ZNF644: variants seen among roughly 807,000 people sequenced by gnomAD.
ZNF644 encodes the protein zinc finger protein 644, also known as zinc finger motif enhancer binding protein 2.
ZNF644 carries 20 observed loss-of-function variants against 108.0 expected under a neutral mutation model. The observed-to-expected ratio is 0.19, with a 90% CI of 0.13 to 0.27. The LOEUF is 0.27. Ranked by LOEUF, ZNF644 falls within the 10% of genes least tolerant of loss-of-function variation. The pLI is 1.00. For missense variants in ZNF644, 1,338 were observed against 1,548.9 expected, an observed-to-expected ratio of 0.86 and a Z score of 2.29; for synonymous variants, 542 against 539.1, an observed-to-expected ratio of 1.01 and a Z score of -0.08.
intron 1 of ZNF644, among the ~76,000 whole-genome samples, chr1:90,992,708 TC>T (rs1357823667): frequency 6.6e-6 from 1 of 152,188 alleles, no homozygotes; most frequent in African/African-American, 2.4e-5. Context: ...CTGTTTCACC[TC>T]GTTATCCATG....
chr1:91,000,346 C>G (rs1658636415), intron 1 of ZNF644, among the ~76,000 whole-genome samples: 1 of 152,176 alleles, frequency 6.6e-6, no homozygotes, highest in African/African-American at 2.4e-5. Context: ...GTCTCTCAGA[C>G]CACAGTGTAA....
chr1:90,918,572 T>G (rs1315480438), intron 4 of ZNF644, among the ~76,000 whole-genome samples: 1 of 152,182 alleles, frequency 6.6e-6, no homozygotes, highest in Non-Finnish European at 1.5e-5. Flanking sequence ...TTATTTGAGA[T>G]CATTAAATTA....
At chr1:90,978,973 C>T (rs1656273928) in intron 2 of ZNF644, among the ~76,000 whole-genome samples, 1 of 152,104 alleles carries the variant, frequency 6.6e-6, no homozygotes, top group African/African-American at 2.4e-5. Flanking sequence ...GCAGAAGCTG[C>T]AGAAAGGAAA....
At chr1:90,917,567 G>A (rs758948503) in intron 5 of ZNF644, among the ~76,000 whole-genome samples, 5 of 151,800 alleles carry the variant, frequency 3.3e-5, no homozygotes, top group Admixed American at 6.6e-5. Flanking sequence ...GCACGATCTC[G>A]GCCCACTGCA....
At chr1:91,012,328 A>G (rs76264268) in intron 1 of ZNF644, among the ~76,000 whole-genome samples, 1 of 150,244 alleles carries the variant, frequency 6.7e-6, no homozygotes, top group East Asian at 2.0e-4. Flanking sequence ...AAAAAAAAAA[A>G]TCAGCCAGGC....
chr1:91,007,339 G>C (rs554036089), intron 1 of ZNF644, among the ~76,000 whole-genome samples: 1 of 140,420 alleles, frequency 7.1e-6, no homozygotes, highest in Admixed American at 7.7e-5. Flanking sequence ...AGGTTCAAGC[G>C]ATTTGCTGGG....
intron 2 of ZNF644, among the ~76,000 whole-genome samples, chr1:90,967,444 T>TGGTC (rs1293166465): frequency 6.6e-6 from 1 of 152,180 alleles, no homozygotes; most frequent in Non-Finnish European, 1.5e-5. Flanking sequence ...TCTCTCCTAA[T>TGGTC]GGTCCTAAGT....
intron 1 of ZNF644, among the ~76,000 whole-genome samples, chr1:90,984,755 G>T (rs1186449228): frequency 6.6e-6 from 1 of 152,162 alleles, no homozygotes; most frequent in East Asian, 1.9e-4. Context: ...CTCTGCAAAA[G>T]AGAGATGCCT....
chr1:90,929,406 G>A (rs1650452894), intron 4 of ZNF644, among the ~76,000 whole-genome samples: 1 of 152,188 alleles, frequency 6.6e-6, no homozygotes, highest in African/African-American at 2.4e-5. Context: ...AGCCCAGTCT[G>A]GAAGAATTGT....
Position 91,013,447 on chromosome 1 carries a change from TCTCTCA to T in ZNF644, c.-18+8537_-18+8542del, listed in dbSNP as rs1392779870. 2.1e-4 allele frequency among the ~76,000 whole-genome samples: 16 copies of T among 76,354 alleles called. No homozygotes were observed. In the South Asian group the frequency reaches 7.2e-3, roughly 34 times the overall value. 50.1% of individuals were successfully genotyped at this position (76,354 alleles called of 152,430 possible). On this transcript the variant is annotated intron_variant, in intron 1 of 5. Coordinates refer to ENST00000337393, the MANE Select transcript of ZNF644 (RefSeq NM_201269.3). ...CCCTCCAATATATATTTCCAATCTC[TCTCTCA>T]CACACACACACACACACACACACAC...
At chr1:91,009,129 T>C (rs1320520734) in intron 1 of ZNF644, among the ~76,000 whole-genome samples, 1 of 152,104 alleles carries the variant, frequency 6.6e-6, no homozygotes, top group Non-Finnish European at 1.5e-5. Flanking sequence ...GCAATACCTG[T>C]TGGAAAGGAG....
chr1:91,006,807 T>A (rs1659465442), intron 1 of ZNF644, among the ~76,000 whole-genome samples: 1 of 152,094 alleles, frequency 6.6e-6, no homozygotes. Context: ...CCCCTCTTTT[T>A]AGTTAACCCA....
At chr1:90,959,947 T>C (rs1039576479) in intron 2 of ZNF644, among the ~76,000 whole-genome samples, 2 of 152,160 alleles carry the variant, frequency 1.3e-5, no homozygotes, top group Admixed American at 1.3e-4. Context: ...TCTACGGAGC[T>C]TGATGACATC....
chr1:90,982,262 T>C (rs1486117766), intron 2 of ZNF644, 48 bp downstream of exon 2: 3 of 1,477,208 alleles, frequency 2.0e-6, no homozygotes, highest in Non-Finnish European at 2.8e-6. Flanking sequence ...TTTTTTTGTA[T>C]TATTCCTACC....
At chr1:90,955,345 G>A (rs929353908) in intron 2 of ZNF644, among the ~76,000 whole-genome samples, 37 of 152,108 alleles carry the variant, frequency 2.4e-4, no homozygotes, top group African/African-American at 8.2e-4. Flanking sequence ...CTAACAAGAG[G>A]GTCCGCCTGT....
intron 1 of ZNF644, among the ~76,000 whole-genome samples, chr1:91,002,620 T>C (rs1337378531): frequency 6.6e-6 from 1 of 152,016 alleles, no homozygotes; most frequent in Non-Finnish European, 1.5e-5. Flanking sequence ...CAGGCATGGG[T>C]AAAGACTTCA....
intron 2 of ZNF644, among the ~76,000 whole-genome samples, chr1:90,961,908 T>C (rs537740736): frequency 5.2e-4 from 79 of 152,174 alleles, no homozygotes; most frequent in Non-Finnish European, 7.8e-4. Flanking sequence ...ATAGTCTCCA[T>C]CCAGATAGTC....
At chr1:90,988,469 A>C (rs576269853) in intron 1 of ZNF644, among the ~76,000 whole-genome samples, 1 of 152,280 alleles carries the variant, frequency 6.6e-6, no homozygotes, top group East Asian at 1.9e-4. Context: ...TACCCACAGC[A>C]ATCTACAGAT....
At chr1:90,989,126 A>G (rs757274891) in intron 1 of ZNF644, among the ~76,000 whole-genome samples, 8 of 152,198 alleles carry the variant, frequency 5.3e-5, no homozygotes, top group Non-Finnish European at 1.0e-4. Flanking sequence ...CATGTATCTG[A>G]TAAGAGGTTA....
Sources: allele counts gnomAD v4.1 joint callset (sites outside exome capture counted in the v4.1 genomes callset), GRCh38; gene constraint gnomAD v4.1.1; transcripts MANE v1.5; gene names NCBI Gene and HGNC (gene_info 2026-07-23, HGNC 2026-07-21).